Variants in TMEM68 observed in about 807,000 individuals in gnomAD.
TMEM68 encodes DGAT1/2-independent enzyme synthesizing storage lipids.
TMEM68 carries 25 observed loss-of-function variants against 36.9 expected under a neutral mutation model. The ratio of observed to expected loss-of-function variants is 0.68; its 90% CI spans 0.49 to 0.95. The LOEUF is 0.95. Among genes scored for constraint, TMEM68 ranks in the 40% least tolerant of loss-of-function variants. The probability of loss-of-function intolerance (pLI) is 0.00; values close to 1 mark genes in which losing one functional copy is unlikely to be tolerated. For missense variants in TMEM68, 333 were observed against 392.0 expected, an observed-to-expected ratio of 0.85 and a Z score of 1.27; for synonymous variants, 131 against 124.4, an observed-to-expected ratio of 1.05 and a Z score of -0.35.
chr8:55,748,576 A>AG (rs991556543), intron 5 of TMEM68, among the ~76,000 whole-genome samples: 49 of 146,446 alleles, frequency 3.3e-4, no homozygotes, highest in African/African-American at 1.2e-3. Flanking sequence ...GGAGGGAGGA[A>AG]GGGGGGGAGA....
chr8:55,759,495 T>G (rs184261377), intron 3 of TMEM68, among the ~76,000 whole-genome samples: 2 of 151,922 alleles, frequency 1.3e-5, no homozygotes, highest in Non-Finnish European at 2.9e-5. Flanking sequence ...CGCTCGAACT[T>G]GGGAGGCGGA....
At position 55,751,075 on chromosome 8, in the gene TMEM68, C is replaced by T; in HGVS notation, c.576G>A (p.Leu192=). The change falls in exon 5 of 8, where the codon TTG becomes TTA. Residue 192 remains leucine (L), a synonymous_variant. Coordinates refer to ENST00000434581, the MANE Select transcript of TMEM68 (RefSeq NM_001286657.2). ...GAACTCCACCTGGTGAGATAGCTAA[C>T]AAGTGGCCACTCCTCAGAATTTCAA... The part of the protein sequence containing the change: ...KCVEILRSGH[L]LAISPGGVRE... 6.2e-7 allele frequency: 1 copy of T among 1,614,094 alleles called. No homozygotes were observed. The highest frequency in any genetic ancestry group is 8.5e-7 in the Non-Finnish European group (1 of 1,180,000).
chr8:55,744,605 C>T (rs1055644904), intron 6 of TMEM68, among the ~76,000 whole-genome samples: 13 of 152,056 alleles, frequency 8.5e-5, no homozygotes, highest in Non-Finnish European at 1.8e-4. Context: ...CCGCTCCCGG[C>T]CGCTACAAAA....
intron 1 of TMEM68, among the ~76,000 whole-genome samples, chr8:55,765,474 C>T (rs1810936250): frequency 1.3e-5 from 2 of 152,188 alleles, no homozygotes; most frequent in Admixed American, 6.5e-5. Flanking sequence ...ATCCTAACTA[C>T]CTCATGAGAT....
At chr8:55,743,051 C>T (rs925752701) in intron 7 of TMEM68, among the ~76,000 whole-genome samples, 3 of 152,290 alleles carry the variant, frequency 2.0e-5, no homozygotes, top group Middle Eastern at 6.8e-3. Context: ...GCTACATCTC[C>T]TGAAGTCTGT....
rs1470799059 is a variant in TMEM68 at position 55,762,877 on chromosome 8, C to T, written c.83G>A (p.Trp28Ter). The change falls in exon 3 of 8, where the codon TGG becomes TAG. Residue 28 changes from tryptophan (W) to a stop codon, truncating the protein, a stop_gained. Transcript: ENST00000434581. LOFTEE classifies it high-confidence loss of function. Reference sequence around the variant, plus strand: ...GTCCTCCAACTGCTCCACACCAAACCATTCTTCGAGTATGTGAATCAGACA... The same window carrying T: ...GTCCTCCAACTGCTCCACACCAAACTATTCTTCGAGTATGTGAATCAGACA... The part of the protein sequence containing the change: ...MICLIHILEE[W>*]FGVEQLEDYL... The T allele has an allele frequency of 6.2e-7, 1 of 1,614,176 alleles. No homozygotes were observed.
intron 1 of TMEM68, among the ~76,000 whole-genome samples, chr8:55,769,157 T>C (rs1186468665): frequency 2.0e-5 from 3 of 150,766 alleles, no homozygotes; most frequent in African/African-American, 4.9e-5. Context: ...ATGCCGTCTC[T>C]ACTAAAAACA....
chr8:55,742,766 G>A (rs1472957836), intron 7 of TMEM68, among the ~76,000 whole-genome samples: 4 of 150,564 alleles, frequency 2.7e-5, no homozygotes, highest in African/African-American at 9.7e-5. Context: ...AACAAGAATG[G>A]GGTAAAAAAG....
chr8:55,756,117 G>GTTA, intron 4 of TMEM68, 127 bp downstream of exon 4: 1 of 652,720 alleles, frequency 1.5e-6, no homozygotes, highest in Non-Finnish European at 2.4e-6. Context: ...TTCCAAGAGT[G>GTTA]TTATACACAC....
intron 5 of TMEM68, among the ~76,000 whole-genome samples, chr8:55,748,463 G>A (rs1489119166): frequency 6.6e-6 from 1 of 151,560 alleles, no homozygotes; most frequent in Non-Finnish European, 1.5e-5. Flanking sequence ...TGTACATGAA[G>A]GAGTTGCATC....
intron 1 of TMEM68, among the ~76,000 whole-genome samples, chr8:55,771,547 G>C (rs1811167485): frequency 1.3e-5 from 2 of 152,086 alleles, no homozygotes; most frequent in African/African-American, 2.4e-5. Context: ...AGCCTGGGAG[G>C]TAGAGGTTGC....
chr8:55,749,605 G>A (rs949494039), intron 5 of TMEM68, among the ~76,000 whole-genome samples: 1 of 152,136 alleles, frequency 6.6e-6, no homozygotes, highest in African/African-American at 2.4e-5. Context: ...TGAACTGTGT[G>A]CTCTGCTCTA....
intron 5 of TMEM68, 105 bp downstream of exon 5, chr8:55,750,859 T>C (rs1186290755): frequency 1.8e-6 from 2 of 1,125,864 alleles, no homozygotes; most frequent in Non-Finnish European, 2.5e-6. Context: ...TTTTAAGGTA[T>C]TGCAGCGAAA....
At chr8:55,766,003 G>A (rs1424536771) in intron 1 of TMEM68, among the ~76,000 whole-genome samples, 1 of 152,154 alleles carries the variant, frequency 6.6e-6, no homozygotes, top group Non-Finnish European at 1.5e-5. Context: ...CATCCTAGAG[G>A]GGGAAGATAG....
chr8:55,757,246 C>A lies in TMEM68; in HGVS notation c.326-835G>T, dbSNP rs558305246. ...AGAGGTCACAAGGCAACCAGGCGAA[C>A]TGAACTTCAAAGGGTGATAAACCCC... On this transcript the variant is annotated intron_variant, in intron 3 of 7. Transcript: ENST00000434581. Among the ~76,000 whole-genome samples, 3 of 152,220 alleles carry A rather than the reference C, an allele frequency of 2.0e-5. No homozygotes were observed. In the South Asian group the frequency reaches 6.2e-4, roughly 32 times the overall value.
intron 6 of TMEM68, among the ~76,000 whole-genome samples, chr8:55,743,943 TAAAC>T (rs201637353): frequency 0.012 from 1,895 of 152,064 alleles, 37 homozygotes; most frequent in African/African-American, 0.044. Context: ...GTACAGGAAT[TAAAC>T]AAAAATAAGT....
intron 1 of TMEM68, among the ~76,000 whole-genome samples, chr8:55,767,457 C>G (rs1311594990): frequency 6.6e-6 from 1 of 152,046 alleles, no homozygotes; most frequent in Non-Finnish European, 1.5e-5. Flanking sequence ...TTTAAGATGT[C>G]TATTGGACAT....
At chr8:55,766,425 G>A (rs1429429988) in intron 1 of TMEM68, among the ~76,000 whole-genome samples, 2 of 145,624 alleles carry the variant, frequency 1.4e-5, no homozygotes, top group South Asian at 2.2e-4. Flanking sequence ...TGCCCAGGCT[G>A]GAGTGCAGTG....
At chr8:55,744,939 A>G in intron 6 of TMEM68, 122 bp downstream of exon 6, 1 of 553,656 alleles carries the variant, frequency 1.8e-6, no homozygotes, top group Non-Finnish European at 2.9e-6. Context: ...AAACAGAAAA[A>G]CGTCTAAATA....
Sources: gnomAD v4.1 joint callset for allele counts (sites outside exome capture counted in the v4.1 genomes callset) on GRCh38, gnomAD v4.1.1 for gene constraint, MANE v1.5 for transcripts, NCBI Gene and HGNC (gene_info 2026-07-23, HGNC 2026-07-21) for gene names.